Variants in CTBP2 observed in about 807,000 individuals in gnomAD.
CTBP2 encodes C-terminal-binding protein 2.
A neutral mutation model predicts 80.3 loss-of-function variants in CTBP2; 30 were observed. That is an observed-to-expected ratio of 0.37 (90% CI 0.28 to 0.51). The LOEUF is 0.51. Ranked by LOEUF, CTBP2 falls within the 20% of genes least tolerant of loss-of-function variation. The pLI, the probability that CTBP2 is intolerant of heterozygous loss-of-function variation, is 0.93. For synonymous variants in CTBP2, 594 were observed against 587.4 expected (o/e 1.01, Z -0.16); for missense variants, 1,212 against 1,375.3 (o/e 0.88, Z 1.88).
chr10:125,045,567 C>T (rs1052420739), intron 2 of CTBP2, among the ~76,000 whole-genome samples: 1 of 152,088 alleles, frequency 6.6e-6, no homozygotes, highest in African/African-American at 2.4e-5. Flanking sequence ...CAGGGAATCT[C>T]AGCTGACTGC....
At chr10:125,097,063 C>A (rs1304264734) in intron 2 of CTBP2, among the ~76,000 whole-genome samples, 4 of 152,092 alleles carry the variant, frequency 2.6e-5, no homozygotes, top group Non-Finnish European at 5.9e-5. Context: ...TTTATATTAC[C>A]ATAAGCTGGC....
intron 2 of CTBP2, among the ~76,000 whole-genome samples, chr10:125,053,441 A>C (rs1466932086): frequency 6.6e-6 from 1 of 152,136 alleles, no homozygotes; most frequent in East Asian, 1.9e-4. Context: ...CCCCCAACAC[A>C]GCAGTGCAAG....
At chr10:125,002,343 C>T (rs1270916184) in intron 3 of CTBP2, among the ~76,000 whole-genome samples, 1 of 152,238 alleles carries the variant, frequency 6.6e-6, no homozygotes, top group Non-Finnish European at 1.5e-5. Context: ...AACATGCACC[C>T]CCAGCCGCAA....
At position 125,151,209 on chromosome 10, in the gene CTBP2, C is replaced by T. The variant is rs994977917; in HGVS notation, c.-206+9110G>A. Among the ~76,000 whole-genome samples the T allele has an allele frequency of 2.0e-5, 3 of 152,160 alleles. No homozygotes were observed. In the East Asian group the frequency reaches 5.8e-4, roughly 29 times the overall value. On this transcript the variant is annotated intron_variant, in intron 1 of 10. Coordinates refer to the CTBP2 transcript ENST00000337195. ...AACATAGAGGCGAACACAGAAATTC[C>T]TCCATGGAGAAGACGAGGGCAAGAC... is the stretch of plus-strand genomic sequence containing the variant.
At chr10:125,149,593 C>T (rs769158721) in intron 1 of CTBP2, among the ~76,000 whole-genome samples, 7 of 152,198 alleles carry the variant, frequency 4.6e-5, no homozygotes, top group Non-Finnish European at 8.8e-5. Flanking sequence ...CCGGCCCCAC[C>T]AGAGCCCCAG....
At chr10:125,069,218 A>G (rs1027252003) in intron 2 of CTBP2, among the ~76,000 whole-genome samples, 1 of 152,222 alleles carries the variant, frequency 6.6e-6, no homozygotes, top group African/African-American at 2.4e-5. Context: ...TCTATTGACA[A>G]CACTACAAAT....
At position 125,003,475 on chromosome 10, in the gene CTBP2, T is replaced by C. The variant is rs776492822; in HGVS notation, c.1696A>G (p.Met566Val). 4.5e-6 allele frequency: 7 copies of C among 1,567,538 alleles called. No homozygotes were observed. In the African/African-American group the frequency reaches 9.7e-5, roughly 22 times the overall value. Residue 566 changes from methionine to valine, a missense_variant, in exon 2 of 9, where the codon ATG becomes GTG. Coordinates refer to ENST00000309035, the MANE Select transcript of CTBP2 (RefSeq NM_022802.3). ...GGGCGGGGGTGCAGGGGGCCGTTCA[T>C]GATCTGGGGGCGGATACCTGCCAGG...
intron 2 of CTBP2, among the ~76,000 whole-genome samples, chr10:125,085,982 T>C (rs1847908194): frequency 6.6e-6 from 1 of 152,188 alleles, no homozygotes; most frequent in African/African-American, 2.4e-5. Flanking sequence ...CCTCCAGACC[T>C]TTCCCCAGAT....
chr10:125,147,377 A>T (rs980272423), intron 1 of CTBP2, among the ~76,000 whole-genome samples: 14 of 152,314 alleles, frequency 9.2e-5, no homozygotes, highest in Non-Finnish European at 2.1e-4. Flanking sequence ...CCAGGAAGAG[A>T]AAGTAGGTCT....
chr10:125,159,715 C>T (rs1341323746), intron 1 of CTBP2: 1 of 149,356 alleles, frequency 6.7e-6, no homozygotes, highest in African/African-American at 2.4e-5. Flanking sequence ...TCCGCGCCCC[C>T]CCCACCCTCG....
chr10:125,000,062 G>A (rs1285449192), intron 3 of CTBP2: 1 of 152,370 alleles, frequency 6.6e-6, no homozygotes, highest in Non-Finnish European at 1.5e-5. Flanking sequence ...GCACAAAAAG[G>A]CAGGTTGAGG....
intron 2 of CTBP2, among the ~76,000 whole-genome samples, chr10:125,065,093 T>TA (rs1844419247): frequency 6.6e-6 from 1 of 152,100 alleles, no homozygotes; most frequent in South Asian, 2.1e-4. Context: ...CACTAGAAAA[T>TA]ACATCGTACT....
chr10:124,987,125 A>ATTTTG lies in CTBP2; in HGVS notation c.*2392_*2393insCAAAA, dbSNP rs1952068306. On this transcript the variant is annotated 3_prime_UTR_variant, in exon 9 of 9. Coordinates refer to ENST00000309035, the MANE Select transcript of CTBP2 (RefSeq NM_022802.3). ...TCATAGACTGGCTGTTAAAGGCCAA[A>ATTTTG]AATTTTGGTAAATCAATGCTATATT... 1 of 152,618 alleles carries ATTTTG rather than the reference A, an allele frequency of 6.6e-6. No individual in the cohort carries two copies. 9.5% of individuals were successfully genotyped at this position (152,618 alleles called of 1,614,324 possible).
At chr10:124,999,018 A>G (rs1954053031) in intron 3 of CTBP2, 1 of 152,382 alleles carries the variant, frequency 6.6e-6, no homozygotes, top group South Asian at 2.1e-4. Context: ...AGAATGAATG[A>G]CTGCCAGATA....
chr10:125,025,477 A>C (rs1317244932), intron 1 of CTBP2, among the ~76,000 whole-genome samples: 1 of 152,164 alleles, frequency 6.6e-6, no homozygotes, highest in East Asian at 1.9e-4. Context: ...CTGATATGAG[A>C]GACTAAATCT....
chr10:125,098,750 C>CAGAGAGAGAGAGAGAG (rs1265217140), intron 2 of CTBP2, among the ~76,000 whole-genome samples: 4 of 75,500 alleles, frequency 5.3e-5, no homozygotes, highest in South Asian at 4.5e-4. Context: ...GAGAGAGAGA[C>CAGAGAGAGAGAGAGAG]AGAGAGAGAG....
rs1256295496 is a variant in CTBP2, at chr10:125,027,644, C to G, written c.116G>C (p.Ser39Thr). ...CTCTGCTGTGCCATACGTCAGGGAGCTTCTCCTCCCCAGAGGCCGCAGGGA... is the reference window on the plus strand; with the variant it reads ...CTCTGCTGTGCCATACGTCAGGGAGGTTCTCCTCCCCAGAGGCCGCAGGGA... Residue 39 changes from serine (S) to threonine (T), a missense_variant, in exon 1 of 9, where the codon AGC (serine) becomes ACC (threonine). Around this residue, in one of 3 missense-constraint regions of CTBP2, gnomAD observed 848 missense variants for 782.3 expected, o/e 1.08. Coordinates refer to ENST00000309035, the MANE Select transcript of CTBP2 (RefSeq NM_022802.3). The G allele has an allele frequency of 6.2e-7, 1 of 1,614,070 alleles. No individual in the cohort carries two copies. Among genetic ancestry groups the G allele is most frequent in the African/African-American group, 1.3e-5 (1 of 75,024 alleles).
upstream of CTBP2, among the ~76,000 whole-genome samples, chr10:125,161,973 C>T (rs1382322452): frequency 2.6e-5 from 4 of 152,316 alleles, no homozygotes; most frequent in East Asian, 1.9e-4. Flanking sequence ...CTAAATTCCC[C>T]GCCCGTGACC....
chr10:125,027,097 A>T lies in CTBP2; in HGVS notation c.663T>A (p.Pro221=). Residue 221 remains proline (P), a synonymous_variant, in exon 1 of 9, where the codon CCT becomes CCA. Transcript: ENST00000309035. ...TCGGGGCCACCTGTCTGGCAGGGGCAGGGTCAATGGGTCTTTCGCTGATGT... is the reference window on the plus strand; with the variant it reads ...TCGGGGCCACCTGTCTGGCAGGGGCTGGGTCAATGGGTCTTTCGCTGATGT... The T allele has an allele frequency of 6.2e-7, 1 of 1,611,210 alleles. No individual in the cohort carries two copies.
Sources: gnomAD v4.1 joint callset for allele counts (sites outside exome capture counted in the v4.1 genomes callset) on GRCh38, gnomAD v4.1.1 for gene constraint, gnomAD v4.1.1 regional missense constraint, MANE v1.5 for transcripts, NCBI Gene and HGNC (gene_info 2026-07-23, HGNC 2026-07-21) for gene names.